The following COL28A1 variants were observed in gnomAD, a reference collection of about 807,000 sequenced individuals.
COL28A1 encodes the protein collagen type XXVIII alpha 1 chain.
Under a neutral mutation model 150.2 loss-of-function variants are expected in COL28A1, and 161 were observed. That is an observed-to-expected ratio of 1.07 (90% CI 0.94 to 1.22). COL28A1 has a LOEUF of 1.22. Among genes scored for constraint, COL28A1 ranks in the 50% most tolerant of loss-of-function variants. COL28A1 has a pLI of 0.00. For synonymous variants in COL28A1, 552 were observed against 469.7 expected, an observed-to-expected ratio of 1.18 and a Z score of -2.26; for missense variants, 1,617 against 1,388.3, an observed-to-expected ratio of 1.16 and a Z score of -2.62.
chr7:7,511,357 A>ATAAAT (rs1450166827), intron 8 of COL28A1, among the ~76,000 whole-genome samples: 47 of 152,328 alleles, frequency 3.1e-4, no homozygotes, highest in African/African-American at 9.6e-4. Flanking sequence ...TAAATCAGGA[A>ATAAAT]CAATGTAATA....
intron 25 of COL28A1, chr7:7,431,397 T>G (rs1358856536): frequency 2.7e-6 from 1 of 371,712 alleles, no homozygotes; most frequent in Non-Finnish European, 5.6e-6. Context: ...GAAGATGATC[T>G]CAGAAAGTGA....
chr7:7,378,362 T>A (rs1761515120), intron 30 of COL28A1, among the ~76,000 whole-genome samples: 1 of 152,124 alleles, frequency 6.6e-6, no homozygotes, highest in African/African-American at 2.4e-5. Flanking sequence ...AAACTATATG[T>A]CCCCCTGCCT....
chr7:7,426,545 G>A (rs940823436), intron 25 of COL28A1, among the ~76,000 whole-genome samples: 22 of 152,166 alleles, frequency 1.4e-4, no homozygotes, highest in Admixed American at 9.8e-4. Context: ...CCAACTGTCA[G>A]CATGATCATC....
chr7:7,499,071 G>T (rs17168279), intron 11 of COL28A1, among the ~76,000 whole-genome samples: 3,494 of 152,178 alleles, frequency 0.023, 54 homozygotes, highest in Non-Finnish European at 0.036. Flanking sequence ...CATGTCAAAC[G>T]AGTTAATAAG....
chr7:7,408,772 A>T (rs573908630), intron 27 of COL28A1, among the ~76,000 whole-genome samples: 23 of 150,814 alleles, frequency 1.5e-4, no homozygotes, highest in Admixed American at 7.2e-4. Flanking sequence ...TCTATCTTAT[A>T]AAAAAAATAG....
At chr7:7,452,678 T>C (rs1319816731) in intron 17 of COL28A1, among the ~76,000 whole-genome samples, 1 of 152,202 alleles carries the variant, frequency 6.6e-6, no homozygotes, top group Non-Finnish European at 1.5e-5. Context: ...CTGGAAAAGA[T>C]AGGCAGTTGC....
rs1425215547 is a variant in COL28A1 at position 7,471,542 on chromosome 7, C to T, written c.1302+3059G>A. 7.2e-5 allele frequency among the ~76,000 whole-genome samples: 11 copies of T among 152,296 alleles called. No individual in the cohort carries two copies. The East Asian group carries it at 2.1e-3, about 29-fold the overall frequency. On this transcript the variant is annotated intron_variant, in intron 15 of 34. Transcript: ENST00000399429. Reference sequence around the variant, plus strand: ...CACCATGATCAAATGGGTTTCATAACAGGGATGCAGGGATGGGTTTAACAT... The same window carrying T: ...CACCATGATCAAATGGGTTTCATAATAGGGATGCAGGGATGGGTTTAACAT...
chr7:7,365,731 T>A (rs1714371104), intron 33 of COL28A1, among the ~76,000 whole-genome samples: 2 of 152,220 alleles, frequency 1.3e-5, no homozygotes, highest in Admixed American at 6.5e-5. Context: ...TGTTAAGACT[T>A]AGCATATTCC....
chr7:7,358,654 T>C lies in COL28A1; in HGVS notation c.3357A>G (p.Gln1119=). Residue 1119 remains glutamine (Q), a synonymous_variant, in exon 35 of 35, where the codon CAA becomes CAG. Transcript: ENST00000399429. ...TTGCTCATCCTTGAATGCAGGTTTC[T>C]TGACATTCCTTTTCACTGTTGAATC... ...GNRFNSEKEC[Q]ETCIQG The C allele has an allele frequency of 1.9e-6, 3 of 1,614,006 alleles. No homozygotes were observed. Among genetic ancestry groups the C allele is most frequent in the Non-Finnish European group, 2.5e-6 (3 of 1,179,932 alleles).
At chr7:7,541,762 CTT>C in the COL28A1 span, among the ~76,000 whole-genome samples, 2 of 152,094 alleles carry the variant, frequency 1.3e-5, no homozygotes, top group Admixed American at 1.3e-4. Flanking sequence ...TAAAACTACT[CTT>C]ATATAGGATC....
At chr7:7,394,177 GC>G (rs1782712754) in intron 27 of COL28A1, among the ~76,000 whole-genome samples, 1 of 152,136 alleles carries the variant, frequency 6.6e-6, no homozygotes, top group Non-Finnish European at 1.5e-5. Context: ...GCTTCCCTTG[GC>G]TAGGGGAGGG....
the COL28A1 span, among the ~76,000 whole-genome samples, chr7:7,339,521 C>T: frequency 6.6e-5 from 10 of 152,242 alleles, no homozygotes; most frequent in East Asian, 1.9e-4. Flanking sequence ...TGGGGATCCT[C>T]GGCAGACTTC....
chr7:7,386,694 A>G (rs920780911), intron 27 of COL28A1, among the ~76,000 whole-genome samples: 1 of 152,206 alleles, frequency 6.6e-6, no homozygotes, highest in Non-Finnish European at 1.5e-5. Flanking sequence ...GACTCTTCTC[A>G]GGGACTTTGC....
chr7:7,410,718 C>T (rs1783741015), intron 27 of COL28A1, among the ~76,000 whole-genome samples: 1 of 151,534 alleles, frequency 6.6e-6, no homozygotes, highest in African/African-American at 2.4e-5. Flanking sequence ...ATGCCAAAGT[C>T]ATAATATTAA....
At chr7:7,465,028 AC>A (rs1216059246) in intron 15 of COL28A1, among the ~76,000 whole-genome samples, 5 of 152,224 alleles carry the variant, frequency 3.3e-5, no homozygotes. Context: ...GCTACTATGA[AC>A]ACCTTTATGC....
chr7:7,487,893 A>G (rs6950746), intron 13 of COL28A1, among the ~76,000 whole-genome samples: 6,538 of 152,224 alleles, frequency 0.043, 433 homozygotes, highest in African/African-American at 0.15. Flanking sequence ...TCAAGCTGCC[A>G]TGTTGTGAGG....
chr7:7,428,658 C>T (rs17167624), intron 25 of COL28A1, among the ~76,000 whole-genome samples: 28,732 of 152,102 alleles, frequency 0.19, 3,449 homozygotes, highest in African/African-American at 0.34. Flanking sequence ...TGGAGCTTGG[C>T]TTCCCCATCA....
chr7:7,405,465 G>T (rs945700736), intron 27 of COL28A1, among the ~76,000 whole-genome samples: 4 of 152,124 alleles, frequency 2.6e-5, no homozygotes, highest in African/African-American at 9.7e-5. Context: ...AAGCCAGTTG[G>T]GGAACTTTTG....
At chr7:7,486,427 A>G (rs1027596593) in intron 13 of COL28A1, among the ~76,000 whole-genome samples, 2 of 152,126 alleles carry the variant, frequency 1.3e-5, no homozygotes, top group African/African-American at 4.8e-5. Context: ...CCAATGCCTT[A>G]TATTTCTTTT....
Sources: allele counts gnomAD v4.1 joint callset (sites outside exome capture counted in the v4.1 genomes callset), GRCh38; gene constraint gnomAD v4.1.1; transcripts MANE v1.5; gene names NCBI Gene and HGNC (gene_info 2026-07-23, HGNC 2026-07-21).